Variants in MBNL3 observed in about 807,000 individuals in gnomAD.
MBNL3 encodes muscleblind like splicing regulator 3, also known as muscleblind-like protein 3.
A neutral mutation model predicts 24.5 loss-of-function variants in MBNL3; 6 were observed. The observed-to-expected ratio is 0.25, with a 90% CI of 0.13 to 0.48. The LOEUF (loss-of-function observed/expected upper bound fraction) is 0.48. MBNL3 is among the 20% of genes least tolerant of loss of function. The probability of loss-of-function intolerance (pLI) is 0.99; values close to 1 mark genes in which losing one functional copy is unlikely to be tolerated. For synonymous variants in MBNL3, 100 were observed against 101.7 expected (o/e 0.98, Z 0.10); for missense variants, 230 against 293.5 (o/e 0.78, Z 1.58).
chrX:132,428,711 G>T (rs951153146), intron 2 of MBNL3, among the ~76,000 whole-genome samples: 1 of 111,828 alleles, frequency 8.9e-6, no homozygotes, highest in Admixed American at 9.5e-5. Context: ...ATGCAGAAAG[G>T]TCATCTGCAA....
chrX:132,483,991 T>TA (rs1947875851), intron 1 of MBNL3, among the ~76,000 whole-genome samples: 1 of 112,104 alleles, frequency 8.9e-6, no homozygotes, highest in Non-Finnish European at 1.9e-5. Flanking sequence ...GATTTTTTTT[T>TA]TAAATTTTTA....
At chrX:132,446,460 G>A (rs1486782680) in intron 1 of MBNL3, among the ~76,000 whole-genome samples, 1 of 112,024 alleles carries the variant, frequency 8.9e-6, no homozygotes, top group African/African-American at 3.2e-5. Flanking sequence ...AGTGTCTGGA[G>A]ATGGTATCTC....
rs934472055 is a variant in MBNL3 at position 132,375,536 on chromosome X, T to C, written c.*4130A>G. The C allele has an allele frequency of 8.1e-5, 9 of 111,137 alleles. No homozygotes were observed. The Admixed American group carries it at 8.6e-4, about 11-fold the overall frequency. The allele number at this position is 111,137 out of a possible 1,213,427, so 9.2% of individuals were successfully genotyped here. Reference sequence around the variant, plus strand: ...AAAATGAAAATATGGTACCAATTAGTGAGTTATATTTACAGTTTGATTAGG... The same window carrying C: ...AAAATGAAAATATGGTACCAATTAGCGAGTTATATTTACAGTTTGATTAGG... On this transcript the variant is annotated 3_prime_UTR_variant, in exon 9 of 9. Transcript: ENST00000370853.
chrX:132,416,135 A>G (rs1397582917), intron 2 of MBNL3, among the ~76,000 whole-genome samples: 1 of 111,979 alleles, frequency 8.9e-6, no homozygotes, highest in Non-Finnish European at 1.9e-5. Context: ...AATGGCCGAG[A>G]TATGGAATCA....
At chrX:132,462,110 A>G (rs1470699138) in intron 1 of MBNL3, among the ~76,000 whole-genome samples, 1 of 112,193 alleles carries the variant, frequency 8.9e-6, no homozygotes, top group African/African-American at 3.2e-5. Flanking sequence ...AAAGGGTGAC[A>G]GAGCCAACAC....
chrX:132,403,910 G>C (rs1379374710), intron 3 of MBNL3, among the ~76,000 whole-genome samples: 2 of 111,604 alleles, frequency 1.8e-5, no homozygotes, highest in African/African-American at 6.5e-5. Flanking sequence ...TCTTTGCTCA[G>C]TTTGAAATTG....
chrX:132,443,483 C>T (rs1362594180), intron 1 of MBNL3, among the ~76,000 whole-genome samples: 1 of 111,953 alleles, frequency 8.9e-6, no homozygotes, highest in Non-Finnish European at 1.9e-5. Flanking sequence ...TTTTCATAAT[C>T]TCCGTAAGTT....
intron 2 of MBNL3, among the ~76,000 whole-genome samples, chrX:132,428,065 G>GA (rs941276795): frequency 9.0e-6 from 1 of 110,755 alleles, no homozygotes; most frequent in Non-Finnish European, 1.9e-5. Flanking sequence ...AGCTTCAACA[G>GA]AAAAAAAGCT....
chrX:132,382,637 A>G (rs921112258), intron 7 of MBNL3, among the ~76,000 whole-genome samples: 2 of 112,390 alleles, frequency 1.8e-5, no homozygotes, highest in African/African-American at 6.5e-5. Flanking sequence ...TACAAGGGCT[A>G]TCTATCTGAA....
At chrX:132,476,795 C>CA (rs967830356) in intron 1 of MBNL3, among the ~76,000 whole-genome samples, 1 of 111,404 alleles carries the variant, frequency 9.0e-6, no homozygotes, top group Non-Finnish European at 1.9e-5. Flanking sequence ...CATCCCATAA[C>CA]AAAAAAATCC....
chrX:132,457,563 T>C (rs1442018046), intron 1 of MBNL3, among the ~76,000 whole-genome samples: 3 of 111,238 alleles, frequency 2.7e-5, no homozygotes, highest in Non-Finnish European at 5.7e-5. Context: ...ATACTGTAGG[T>C]AGGAATCATG....
chrX:132,390,904 C>G lies in MBNL3; in HGVS notation c.714G>C (p.Leu238Phe). Residue 238 changes from leucine (L) to phenylalanine (F), a missense_variant, in exon 5 of 9, where the codon TTG becomes TTC. Transcript: ENST00000370853. ...KCKYFHPPAH[L>F]QARLKAAHHQ... ...GATGAGCTGCCTTGAGTCTGGCTTG[C>G]AAGTGTGCAGGAGGATGAAAGTACT... The G allele has an allele frequency of 8.3e-7, 1 of 1,211,532 alleles. No individual in the cohort carries two copies. Among genetic ancestry groups the G allele is most frequent in the Non-Finnish European group, 1.1e-6 (1 of 895,428 alleles).
intron 3 of MBNL3, among the ~76,000 whole-genome samples, chrX:132,398,254 A>G (rs1940184303): frequency 9.0e-6 from 1 of 111,148 alleles, no homozygotes; most frequent in Non-Finnish European, 1.9e-5. Flanking sequence ...GGGAGGAGAA[A>G]TACAACAGCA....
chrX:132,481,444 A>AAT (rs1252420520), intron 1 of MBNL3, among the ~76,000 whole-genome samples: 2 of 112,101 alleles, frequency 1.8e-5, no homozygotes, highest in Non-Finnish European at 3.8e-5. Context: ...GTTAATTTAG[A>AAT]ATATATATTC....
At position 132,413,854 on chromosome X, in the gene MBNL3, G is replaced by A. The variant is rs1038508066; in HGVS notation, c.178-7462C>T. ...CAGAACAGATTTTTGAGTATATGAGGTGTTACATAAAGATGAGGCTTTTAA... is the reference window on the plus strand; with the variant it reads ...CAGAACAGATTTTTGAGTATATGAGATGTTACATAAAGATGAGGCTTTTAA... On this transcript the variant is annotated intron_variant, in intron 2 of 8. Transcript: ENST00000370853. Among the ~76,000 whole-genome samples the A allele has an allele frequency of 6.2e-5, 7 of 112,082 alleles. No homozygotes were observed. The East Asian group carries it at 2.0e-3, about 31-fold the overall frequency.
chrX:132,473,689 T>C (rs1269406929), intron 1 of MBNL3, among the ~76,000 whole-genome samples: 1 of 111,529 alleles, frequency 9.0e-6, no homozygotes, highest in Non-Finnish European at 1.9e-5. Flanking sequence ...GTAGCCTTAA[T>C]GCAATTTAAT....
intron 1 of MBNL3, among the ~76,000 whole-genome samples, chrX:132,479,248 C>A (rs1043089913): frequency 7.6e-4 from 85 of 111,467 alleles, no homozygotes; most frequent in Admixed American, 2.8e-4. Context: ...GACTTCAACT[C>A]CAAAAATAAA....
At chrX:132,393,545 G>A (rs1021651302) in intron 3 of MBNL3, among the ~76,000 whole-genome samples, 1 of 111,216 alleles carries the variant, frequency 9.0e-6, no homozygotes, top group Non-Finnish European at 1.9e-5. Flanking sequence ...TCTTGTCAAT[G>A]TGGTTTTATT....
chrX:132,386,922 T>C (rs1936159520), intron 5 of MBNL3, 111 bp from the exon 6 acceptor site: 3 of 880,915 alleles, frequency 3.4e-6, no homozygotes, highest in Middle Eastern at 3.9e-4. Flanking sequence ...AGGGTATGCA[T>C]TGGGCAAGAC....
Sources: allele counts gnomAD v4.1 joint callset (sites outside exome capture counted in the v4.1 genomes callset), GRCh38; gene constraint gnomAD v4.1.1; transcripts MANE v1.5; gene names NCBI Gene and HGNC (gene_info 2026-07-23, HGNC 2026-07-21).